The following GRIP1 variants were observed in gnomAD, a reference collection of about 807,000 sequenced individuals.
GRIP1 encodes glutamate receptor-interacting protein 1.
GRIP1 carries 45 observed loss-of-function variants against 129.9 expected under a neutral mutation model. That is an observed-to-expected ratio of 0.35 (90% CI 0.27 to 0.44). The LOEUF (loss-of-function observed/expected upper bound fraction) is 0.44. Among genes scored for constraint, GRIP1 ranks in the 20% least tolerant of loss-of-function variants. The probability of loss-of-function intolerance (pLI) is 1.00; values close to 1 mark genes in which losing one functional copy is unlikely to be tolerated. For missense variants in GRIP1, 1,196 were observed against 1,396.8 expected (o/e 0.86, Z 2.29); for synonymous variants, 530 against 520.8 (o/e 1.02, Z -0.24).
intron 1 of GRIP1, among the ~76,000 whole-genome samples, chr12:66,830,446 G>T (rs2039495939): frequency 6.6e-6 from 1 of 152,090 alleles, no homozygotes; most frequent in Non-Finnish European, 1.5e-5. Context: ...GTTACACGCT[G>T]GCCTGCAGAC....
At chr12:66,627,532 G>A (rs992344224) in intron 1 of GRIP1, among the ~76,000 whole-genome samples, 2 of 152,174 alleles carry the variant, frequency 1.3e-5, no homozygotes, top group Non-Finnish European at 2.9e-5. Flanking sequence ...TGTAGTGGAC[G>A]AGTAATATTC....
intron 1 of GRIP1, among the ~76,000 whole-genome samples, chr12:66,612,211 T>G (rs1301336598): frequency 6.6e-6 from 1 of 152,198 alleles, no homozygotes; most frequent in Non-Finnish European, 1.5e-5. Flanking sequence ...TTCTTCCTTG[T>G]GCAAACATCA....
At chr12:66,571,698 T>C (rs2062965764) in intron 2 of GRIP1, among the ~76,000 whole-genome samples, 1 of 152,158 alleles carries the variant, frequency 6.6e-6, no homozygotes, top group African/African-American at 2.4e-5. Context: ...AAAGGACATA[T>C]CTGTCAAATA....
intron 14 of GRIP1, among the ~76,000 whole-genome samples, chr12:66,422,691 C>T (rs1288035545): frequency 6.6e-6 from 1 of 152,156 alleles, no homozygotes; most frequent in African/African-American, 2.4e-5. Flanking sequence ...AGAAATATAG[C>T]ACTATAAGGT....
At chr12:66,632,322 T>G (rs1240814953) in intron 1 of GRIP1, among the ~76,000 whole-genome samples, 2 of 152,160 alleles carry the variant, frequency 1.3e-5, no homozygotes, top group East Asian at 3.8e-4. Context: ...AAGCTTTATC[T>G]AAAGAGAAGG....
intron 1 of GRIP1, among the ~76,000 whole-genome samples, chr12:66,984,506 T>C (rs562707495): frequency 6.6e-6 from 1 of 152,198 alleles, no homozygotes; most frequent in Non-Finnish European, 1.5e-5. Context: ...CCAGGTATTC[T>C]TCTAAGAGCT....
At chr12:66,415,918 A>G (rs1347225316) in intron 15 of GRIP1, among the ~76,000 whole-genome samples, 1 of 152,092 alleles carries the variant, frequency 6.6e-6, no homozygotes, top group East Asian at 1.9e-4. Context: ...GGGGCCTGTC[A>G]TGGGTGAGGT....
intron 1 of GRIP1, among the ~76,000 whole-genome samples, chr12:66,761,627 T>A (rs1346807439): frequency 6.6e-6 from 1 of 152,186 alleles, no homozygotes; most frequent in African/African-American, 2.4e-5. Flanking sequence ...ACTGAAAGCT[T>A]CTCAAGGACA....
chr12:66,580,523 C>G (rs571293403), intron 2 of GRIP1, among the ~76,000 whole-genome samples: 2 of 152,156 alleles, frequency 1.3e-5, no homozygotes, highest in Non-Finnish European at 1.5e-5. Context: ...ATCTCACATG[C>G]AGAGACACAC....
chr12:66,795,527 G>A (rs1295255774), intron 1 of GRIP1, among the ~76,000 whole-genome samples: 1 of 152,144 alleles, frequency 6.6e-6, no homozygotes, highest in Non-Finnish European at 1.5e-5. Context: ...ATAATTATCA[G>A]AAAACAGGAA....
At chr12:66,509,533 C>CTTAGATT in intron 7 of GRIP1, among the ~76,000 whole-genome samples, 1 of 152,044 alleles carries the variant, frequency 6.6e-6, no homozygotes, top group South Asian at 2.1e-4. Flanking sequence ...TCATGCTTTC[C>CTTAGATT]AAAGACATGG....
At chr12:66,966,700 CG>C (rs2042003124) in intron 1 of GRIP1, among the ~76,000 whole-genome samples, 1 of 152,096 alleles carries the variant, frequency 6.6e-6, no homozygotes, top group African/African-American at 2.4e-5. Flanking sequence ...ATTTGTCTGA[CG>C]TTTTTCTCAT....
intron 1 of GRIP1, among the ~76,000 whole-genome samples, chr12:67,030,138 G>A (rs2135775050): frequency 6.6e-6 from 1 of 151,308 alleles, no homozygotes; most frequent in Non-Finnish European, 1.5e-5. Flanking sequence ...ATGAACCCGG[G>A]AGGCAGAGCT....
intron 1 of GRIP1, among the ~76,000 whole-genome samples, chr12:66,891,238 T>C (rs1267305335): frequency 6.6e-6 from 1 of 152,190 alleles, no homozygotes; most frequent in Non-Finnish European, 1.5e-5. Context: ...TCAAGAATGA[T>C]TAAAATTCAT....
intron 1 of GRIP1, among the ~76,000 whole-genome samples, chr12:66,732,054 A>G (rs1483982023): frequency 6.6e-6 from 1 of 152,190 alleles, no homozygotes; most frequent in African/African-American, 2.4e-5. Context: ...ATCAAATACA[A>G]TTGACCCTTG....
intron 1 of GRIP1, among the ~76,000 whole-genome samples, chr12:67,022,402 T>G (rs1453670146): frequency 1.3e-5 from 2 of 152,248 alleles, no homozygotes; most frequent in Non-Finnish European, 1.5e-5. Flanking sequence ...TTAACATTTA[T>G]GTACATGTAT....
At chr12:66,953,326 T>C (rs1269551531) in intron 1 of GRIP1, among the ~76,000 whole-genome samples, 1 of 152,126 alleles carries the variant, frequency 6.6e-6, no homozygotes, top group East Asian at 1.9e-4. Flanking sequence ...AGGATGATGA[T>C]AGTAATGGTG....
At chr12:66,850,911 G>A (rs188438935) in intron 1 of GRIP1, among the ~76,000 whole-genome samples, 169 of 148,438 alleles carry the variant, frequency 1.1e-3, no homozygotes, top group Non-Finnish European at 2.0e-3. Context: ...TCACTCCCTC[G>A]TTTAACATCT....
chr12:66,609,060 T>C (rs919218163), intron 1 of GRIP1, among the ~76,000 whole-genome samples: 8 of 151,934 alleles, frequency 5.3e-5, no homozygotes, highest in African/African-American at 1.9e-4. Context: ...GATTTACTTT[T>C]ACAATCATGG....
Sources: gnomAD v4.1 joint callset for allele counts (sites outside exome capture counted in the v4.1 genomes callset) on GRCh38, gnomAD v4.1.1 for gene constraint, MANE v1.5 for transcripts, NCBI Gene and HGNC (gene_info 2026-07-23, HGNC 2026-07-21) for gene names.